MAD1L1: variants seen among roughly 807,000 people sequenced by gnomAD.
MAD1L1 encodes the protein mitotic arrest deficient 1 like 1.
In MAD1L1, 95 loss-of-function variants were observed where a neutral mutation model predicts 96.9. The observed-to-expected ratio is 0.98, with a 90% CI of 0.83 to 1.16. MAD1L1 has a LOEUF of 1.16. Among genes scored for constraint, MAD1L1 ranks in the 50% most tolerant of loss-of-function variants. The pLI is 0.00. For missense variants in MAD1L1, 1,007 were observed against 954.4 expected (o/e 1.06, Z -0.73); for synonymous variants, 473 against 396.6 (o/e 1.19, Z -2.29).
rs760556868 is a variant in MAD1L1 at position 1,816,206 on chromosome 7, T to G, written c.2021A>C (p.Lys674Thr). The change falls in exon 19 of 19, where the codon AAG (lysine) becomes ACG (threonine). Residue 674 changes from lysine (K) to threonine (T), a missense_variant. Transcript: ENST00000265854. The stretch of plus-strand genomic sequence containing the variant: ...GAACTCTGTCTCCAGTAGCTGCATC[T>G]TGGAACCCGAGGGGCTGGTGGCCTG... ...IFKATSPSGS[K>T]MQLLETEFSH... is the part of the protein sequence containing the mutation. The G allele has an allele frequency of 6.2e-7, 1 of 1,612,646 alleles. No individual in the cohort carries two copies. The highest frequency in any genetic ancestry group is 2.2e-5 in the East Asian group (1 of 44,776).
intron 15 of MAD1L1, among the ~76,000 whole-genome samples, chr7:1,967,520 G>A (rs564245852): frequency 2.6e-5 from 4 of 152,310 alleles, no homozygotes; most frequent in South Asian, 2.1e-4. Flanking sequence ...CAAACACTAC[G>A]GTAAAGGCAG....
At chr7:1,928,508 G>C (rs1200277761) in intron 17 of MAD1L1, among the ~76,000 whole-genome samples, 1 of 152,222 alleles carries the variant, frequency 6.6e-6, no homozygotes. Flanking sequence ...ATGACCTGCA[G>C]GTCCCTAGAT....
chr7:1,919,433 C>T (rs1788633205), intron 17 of MAD1L1, among the ~76,000 whole-genome samples: 1 of 152,248 alleles, frequency 6.6e-6, no homozygotes, highest in African/African-American at 2.4e-5. Flanking sequence ...GAAGGCAGAA[C>T]TGTAAAGCCA....
intron 10 of MAD1L1, among the ~76,000 whole-genome samples, chr7:2,192,904 C>A (rs1181383632): frequency 6.6e-6 from 1 of 152,120 alleles, no homozygotes; most frequent in East Asian, 1.9e-4. Context: ...ATATTAAGTC[C>A]ATTTCGTTTA....
intron 5 of MAD1L1, among the ~76,000 whole-genome samples, chr7:2,220,446 C>T (rs1270307572): frequency 2.6e-5 from 4 of 152,212 alleles, no homozygotes; most frequent in Admixed American, 2.0e-4. Context: ...GCACGTGGGT[C>T]GAGCCAATGT....
chr7:2,188,434 C>G (rs1791563867), intron 10 of MAD1L1, among the ~76,000 whole-genome samples: 1 of 152,166 alleles, frequency 6.6e-6, no homozygotes, highest in Non-Finnish European at 1.5e-5. Context: ...CACTTTAAGT[C>G]AAAACTTACT....
chr7:2,069,016 G>A (rs1021138098), intron 12 of MAD1L1, among the ~76,000 whole-genome samples, 178 bp downstream of exon 12: 1 of 152,198 alleles, frequency 6.6e-6, no homozygotes, highest in African/African-American at 2.4e-5. Flanking sequence ...GTCCCACAGG[G>A]AGCACCGGGG....
At chr7:2,092,268 T>C (rs1158228275) in intron 11 of MAD1L1, among the ~76,000 whole-genome samples, 2 of 152,210 alleles carry the variant, frequency 1.3e-5, no homozygotes, top group East Asian at 3.8e-4. Context: ...TTTTTATTTT[T>C]TAATTTCTGA....
intron 11 of MAD1L1, among the ~76,000 whole-genome samples, chr7:2,094,344 T>C (rs1366146999): frequency 6.6e-6 from 1 of 152,136 alleles, no homozygotes; most frequent in Non-Finnish European, 1.5e-5. Context: ...ACCCACACTC[T>C]CGACAGAGGA....
rs373138225 is a variant in MAD1L1, at chr7:2,225,457, G to A, written c.244C>T (p.Arg82Ter). 21 of 1,613,966 alleles carry A rather than the reference G, an allele frequency of 1.3e-5. No individual in the cohort carries two copies. The highest frequency in any genetic ancestry group is 2.7e-5 in the African/African-American group (2 of 74,928). ...CTGGCTGCTCTCTCCAGCTCCACTC[G>A]AGCCCTCTTGTGACTCAGCTCCATC... ...MQMELSHKRA[R>*]VELERAASTS... is the part of the protein sequence containing the mutation. Residue 82 changes from arginine (R) to a stop codon, truncating the protein, a stop_gained, in exon 4 of 19, where the codon CGA (arginine) becomes TGA (stop). Transcript: ENST00000265854. LOFTEE classifies it high-confidence loss of function.
chr7:2,209,213 G>A (rs2114976001), intron 10 of MAD1L1, among the ~76,000 whole-genome samples: 1 of 152,310 alleles, frequency 6.6e-6, no homozygotes. Flanking sequence ...ACCCCAGCCA[G>A]CCTGCCCAGC....
intron 11 of MAD1L1, among the ~76,000 whole-genome samples, chr7:2,115,009 A>C (rs950615558): frequency 1.3e-5 from 2 of 152,228 alleles, no homozygotes; most frequent in African/African-American, 4.8e-5. Flanking sequence ...GCAGCAGAGA[A>C]GAGCAGAGCG....
chr7:2,039,413 A>G lies in MAD1L1; in HGVS notation c.1219-24771T>C, dbSNP rs542360343. 2.7e-3 allele frequency among the ~76,000 whole-genome samples: 412 copies of G among 152,362 alleles called. 5 individuals carry two copies. The highest frequency in any genetic ancestry group is 9.4e-3 in the African/African-American group (391 of 41,598). On this transcript the variant is annotated intron_variant, in intron 12 of 18. Transcript: ENST00000265854. ...CGACTGCTGGTCATATGGGAGCTGCAGTGCAGTTTTTAAGAAACCCTCGAG... is the reference window on the plus strand; with the variant it reads ...CGACTGCTGGTCATATGGGAGCTGCGGTGCAGTTTTTAAGAAACCCTCGAG...
chr7:2,175,441 T>G (rs1790900107), intron 10 of MAD1L1: 1 of 142,260 alleles, frequency 7.0e-6, no homozygotes, highest in Non-Finnish European at 1.5e-5. Context: ...TTCCAGCTTC[T>G]GAAATAGGAA....
chr7:2,222,924 G>A (rs552385710), intron 4 of MAD1L1, among the ~76,000 whole-genome samples, 170 bp from the exon 5 acceptor site: 23 of 152,354 alleles, frequency 1.5e-4, no homozygotes, highest in African/African-American at 4.6e-4. Context: ...CCCAGCCCCA[G>A]CGTTGGCACC....
intron 18 of MAD1L1, among the ~76,000 whole-genome samples, chr7:1,885,842 C>T (rs1023722839): frequency 6.6e-5 from 10 of 152,250 alleles, no homozygotes; most frequent in African/African-American, 2.4e-4. Flanking sequence ...GGTGGGCCCA[C>T]TCCTCAGGAA....
At position 1,831,957 on chromosome 7, in the gene MAD1L1, T is replaced by C. The variant is rs149667724; in HGVS notation, c.1999-15729A>G. On this transcript the variant is annotated intron_variant, in intron 18 of 18. Coordinates refer to ENST00000265854, the MANE Select transcript of MAD1L1 (RefSeq NM_001013836.2). ...CTGATGGAGATGAACGTTGTTTCTA[T>C]GACTGCTAACACAGCATCCATCCTG... Among the ~76,000 whole-genome samples, 184 of 152,380 alleles carry C rather than the reference T, an allele frequency of 1.2e-3. 1 individual carries two copies. The highest frequency in any genetic ancestry group is 4.1e-3 in the African/African-American group (170 of 41,600).
chr7:1,972,923 A>C (rs1156235316), intron 15 of MAD1L1, among the ~76,000 whole-genome samples: 1 of 152,182 alleles, frequency 6.6e-6, no homozygotes, highest in Non-Finnish European at 1.5e-5. Flanking sequence ...GGCAATGCAG[A>C]CATGTGTTGC....
chr7:2,120,709 CGA>C (rs1260818291), intron 11 of MAD1L1, among the ~76,000 whole-genome samples: 2 of 152,214 alleles, frequency 1.3e-5, no homozygotes, highest in African/African-American at 4.8e-5. Flanking sequence ...AGTATCACTT[CGA>C]GAGAGACTTG....
Sources: allele counts gnomAD v4.1 joint callset (sites outside exome capture counted in the v4.1 genomes callset), GRCh38; gene constraint gnomAD v4.1.1; transcripts MANE v1.5; gene names NCBI Gene and HGNC (gene_info 2026-07-23, HGNC 2026-07-21).